Variants in ULK4 observed in about 807,000 individuals in gnomAD.
ULK4 encodes unc-51 like kinase 4, also known as inactive serine/threonine-protein kinase ULK4.
ULK4 carries 133 observed loss-of-function variants against 160.6 expected under a neutral mutation model. The observed-to-expected ratio is 0.83, with a 90% CI of 0.72 to 0.96. The LOEUF is 0.96. Ranked by LOEUF, ULK4 falls within the 40% of genes least tolerant of loss-of-function variation. The probability of loss-of-function intolerance (pLI) is 0.00; values close to 1 mark genes in which losing one functional copy is unlikely to be tolerated. For missense variants in ULK4, 1,580 were observed against 1,499.5 expected (o/e 1.05, Z -0.89); for synonymous variants, 534 against 539.8 (o/e 0.99, Z 0.15).
At chr3:41,580,614 T>C (rs915772579) in intron 31 of ULK4, among the ~76,000 whole-genome samples, 1 of 152,084 alleles carries the variant, frequency 6.6e-6, no homozygotes, top group Non-Finnish European at 1.5e-5. Context: ...TTTAGGCAGA[T>C]GGAAACATGT....
intron 35 of ULK4, among the ~76,000 whole-genome samples, chr3:41,267,790 A>G (rs1416964619): frequency 1.3e-5 from 2 of 152,208 alleles, no homozygotes; most frequent in Non-Finnish European, 2.9e-5. Context: ...AGATGAGGAA[A>G]CTGTCACCTC....
chr3:41,576,734 A>G (rs2088202939), intron 31 of ULK4, among the ~76,000 whole-genome samples: 1 of 152,256 alleles, frequency 6.6e-6, no homozygotes, highest in African/African-American at 2.4e-5. Context: ...GCAAAAACTG[A>G]TAAATTCAGA....
At chr3:41,871,303 G>T (rs552887331) in intron 17 of ULK4, among the ~76,000 whole-genome samples, 5 of 152,026 alleles carry the variant, frequency 3.3e-5, no homozygotes, top group Admixed American at 2.6e-4. Context: ...CTCTTACTAA[G>T]TAGTATTCTA....
chr3:41,671,444 G>T lies in ULK4; in HGVS notation c.2979-7745C>A, dbSNP rs909944918. On this transcript the variant is annotated intron_variant, in intron 29 of 36. Coordinates refer to ENST00000301831, the MANE Select transcript of ULK4 (RefSeq NM_017886.4). ...AACAAAGAAATAAATCAACACATTT[G>T]TAGCCAATTAATCTTCAACAAAGCC... 2.6e-5 allele frequency among the ~76,000 whole-genome samples: 4 copies of T among 152,086 alleles called. No homozygotes were observed. In the South Asian group the frequency reaches 8.3e-4, roughly 32 times the overall value.
chr3:41,954,478 C>T lies in ULK4; in HGVS notation c.138+144G>A. ...ATTACTCATTATTCAGGACTGGTGG[C>T]ACTGAACAGATGAAGGTCATCCATT... On this transcript the variant is annotated intron_variant, in intron 2 of 36. Transcript: ENST00000301831. 3 of 802,642 alleles carry T rather than the reference C, an allele frequency of 3.7e-6. No individual in the cohort carries two copies. The South Asian group carries it at 6.0e-5, about 16-fold the overall frequency. 49.7% of individuals were successfully genotyped at this position (802,642 alleles called of 1,614,324 possible). A position where few individuals can be genotyped will look rare whatever the true frequency, so the allele number is the denominator to read the frequency against.
At chr3:41,351,712 A>G (rs1485099070) in intron 35 of ULK4, among the ~76,000 whole-genome samples, 1 of 152,158 alleles carries the variant, frequency 6.6e-6, no homozygotes, top group Non-Finnish European at 1.5e-5. Flanking sequence ...CTTCTCACAG[A>G]GAAGATCCAT....
chr3:41,622,619 GGGAGAACATTA>G (rs1489108204), intron 30 of ULK4, among the ~76,000 whole-genome samples: 1 of 152,018 alleles, frequency 6.6e-6, no homozygotes. Context: ...GGAAAGGGGA[GGGAGAACATTA>G]GGACAAATAC....
At chr3:41,400,004 T>A (rs1271360242) in intron 34 of ULK4, among the ~76,000 whole-genome samples, 1 of 152,180 alleles carries the variant, frequency 6.6e-6, no homozygotes, top group Non-Finnish European at 1.5e-5. Context: ...TAAGTAGAGA[T>A]CCAATTTTAT....
At chr3:41,605,997 A>G (rs562082435) in intron 31 of ULK4, among the ~76,000 whole-genome samples, 4 of 152,204 alleles carry the variant, frequency 2.6e-5, no homozygotes, top group Non-Finnish European at 5.9e-5. Flanking sequence ...TAAATAATCC[A>G]TGAACCAAAG....
chr3:41,695,246 T>C (rs2036449992), intron 27 of ULK4, among the ~76,000 whole-genome samples: 1 of 152,178 alleles, frequency 6.6e-6, no homozygotes, highest in South Asian at 2.1e-4. Context: ...TTTCAATATA[T>C]GAAGTTTGAG....
chr3:41,345,378 T>C (rs940649948), intron 35 of ULK4, among the ~76,000 whole-genome samples: 3 of 152,152 alleles, frequency 2.0e-5, no homozygotes, highest in Non-Finnish European at 4.4e-5. Flanking sequence ...TCAACCTAAA[T>C]ACTCAACAAT....
rs539105584 is a variant in ULK4 at position 41,610,169 on chromosome 3, C to T, written c.3120+5500G>A. 8.6e-4 allele frequency among the ~76,000 whole-genome samples: 131 copies of T among 151,886 alleles called. 1 individual carries two copies. Among genetic ancestry groups the T allele is most frequent in the African/African-American group, 3.0e-3 (123 of 41,504 alleles). ...TAGTTGGGATTACAGGCACACACCA[C>T]CACGCCTGGCTAATTTCTTTTTATT... On this transcript the variant is annotated intron_variant, in intron 31 of 36. Transcript: ENST00000301831.
At chr3:41,712,310 C>T (rs1349681990) in intron 25 of ULK4, among the ~76,000 whole-genome samples, 1 of 152,032 alleles carries the variant, frequency 6.6e-6, no homozygotes, top group East Asian at 1.9e-4. Flanking sequence ...CCTTAAGAAC[C>T]CTTCTAATGC....
chr3:41,795,273 TG>T (rs1355240795), intron 20 of ULK4, among the ~76,000 whole-genome samples: 3 of 152,194 alleles, frequency 2.0e-5, no homozygotes, highest in Non-Finnish European at 2.9e-5. Context: ...CAATTTTTTT[TG>T]TTAAGATTAT....
In ULK4 at chr3:41,892,906, G is replaced by C. The variant is rs184658486; in HGVS notation, c.1577+2612C>G. 9.2e-5 allele frequency among the ~76,000 whole-genome samples: 14 copies of C among 152,218 alleles called. No homozygotes were observed. The East Asian group carries it at 2.7e-3, about 29-fold the overall frequency. ...TTCTTCCCTGCTAAATACATCCCTG[G>C]TTTTAGTCAGTTGAGGAGACAAATT... On this transcript the variant is annotated intron_variant, in intron 16 of 36. Coordinates refer to ENST00000301831, the MANE Select transcript of ULK4 (RefSeq NM_017886.4).
At chr3:41,276,540 A>G (rs1559500226) in intron 35 of ULK4, among the ~76,000 whole-genome samples, 1 of 152,242 alleles carries the variant, frequency 6.6e-6, no homozygotes. Context: ...TGAAAGGAAA[A>G]CCTCAGAGCT....
rs58001920 is a variant in ULK4, at chr3:41,906,216, C to CAAAAAAAAAAAAAAA, written c.1182+1614_1182+1628dup. 3.0e-5 allele frequency among the ~76,000 whole-genome samples: 2 copies of CAAAAAAAAAAAAAAA among 67,114 alleles called. 1 individual carries two copies. Among genetic ancestry groups the CAAAAAAAAAAAAAAA allele is most frequent in the Non-Finnish European group, 5.0e-5 (2 of 39,874 alleles). The allele number at this position is 67,114 out of a possible 152,430, so 44.0% of individuals were successfully genotyped here. A position where few individuals can be genotyped will look rare whatever the true frequency, so the allele number is the denominator to read the frequency against. On this transcript the variant is annotated intron_variant, in intron 12 of 36. Coordinates refer to ENST00000301831, the MANE Select transcript of ULK4 (RefSeq NM_017886.4). ...TGGGCGACAGAGCGAGACTCCGTCT[C>CAAAAAAAAAAAAAAA]AAAAAAAAAAAAAAAAAAAAAGTTA...
At chr3:41,561,151 C>T (rs540949679) in intron 32 of ULK4, among the ~76,000 whole-genome samples, 76 of 152,120 alleles carry the variant, frequency 5.0e-4, no homozygotes, top group Admixed American at 2.5e-3. Context: ...ATTCTGTTTA[C>T]GTGATGGATT....
At chr3:41,397,020 A>G (rs1001216135) in intron 35 of ULK4, among the ~76,000 whole-genome samples, 9 of 152,104 alleles carry the variant, frequency 5.9e-5, no homozygotes, top group African/African-American at 2.2e-4. Flanking sequence ...GGTGCAAGTC[A>G]TTTTGAGTAC....
Sources: gnomAD v4.1 joint callset for allele counts (sites outside exome capture counted in the v4.1 genomes callset) on GRCh38, gnomAD v4.1.1 for gene constraint, MANE v1.5 for transcripts, NCBI Gene and HGNC (gene_info 2026-07-23, HGNC 2026-07-21) for gene names.